OCA2: variants seen among roughly 807,000 people sequenced by gnomAD.
The protein encoded by OCA2 is OCA2 melanosomal transmembrane protein, also known as P protein.
In OCA2, 77 loss-of-function variants were observed where a neutral mutation model predicts 100.2. The observed-to-expected ratio is 0.77, with a 90% CI of 0.64 to 0.93. The LOEUF (loss-of-function observed/expected upper bound fraction) is 0.93. Among genes scored for constraint, OCA2 ranks in the 40% least tolerant of loss-of-function variants. The pLI is 0.00. For synonymous variants in OCA2, 432 were observed against 439.2 expected (o/e 0.98, Z 0.21); for missense variants, 1,062 against 1,089.1 (o/e 0.98, Z 0.35).
At chr15:27,797,872 T>A (rs772653332) in intron 23 of OCA2, among the ~76,000 whole-genome samples, 9 of 152,140 alleles carry the variant, frequency 5.9e-5, no homozygotes, top group Non-Finnish European at 1.3e-4. Context: ...GCTCCCATGT[T>A]GGCCACGCTA....
At chr15:27,990,000 G>A (rs970569627) in intron 10 of OCA2, among the ~76,000 whole-genome samples, 1 of 152,180 alleles carries the variant, frequency 6.6e-6, no homozygotes, top group African/African-American at 2.4e-5. Context: ...CAGATGACAG[G>A]AACTGGCATG....
chr15:27,863,702 A>C (rs1398811798), intron 21 of OCA2, among the ~76,000 whole-genome samples: 1 of 151,036 alleles, frequency 6.6e-6, no homozygotes, highest in Non-Finnish European at 1.5e-5. Context: ...CTTTTTCACG[A>C]CTCTGTTTCT....
intron 23 of OCA2, among the ~76,000 whole-genome samples, chr15:27,788,504 G>T (rs1010255769): frequency 6.6e-6 from 1 of 151,988 alleles, no homozygotes; most frequent in African/African-American, 2.4e-5. Flanking sequence ...TCTGACATTT[G>T]TATAGCCATT....
At chr15:27,783,298 ATG>A (rs2032639732) in intron 23 of OCA2, among the ~76,000 whole-genome samples, 1 of 152,160 alleles carries the variant, frequency 6.6e-6, no homozygotes, top group South Asian at 2.1e-4. Flanking sequence ...AGTTTTTAGA[ATG>A]TGTTTCTCCA....
intron 9 of OCA2, among the ~76,000 whole-genome samples, chr15:28,004,533 C>T (rs17567117): frequency 0.041 from 6,168 of 151,208 alleles, 216 homozygotes; most frequent in South Asian, 0.13. Context: ...CACGGTCTCA[C>T]ACTCACCCTC....
At chr15:27,821,243 T>C (rs951600693) in intron 23 of OCA2, among the ~76,000 whole-genome samples, 1 of 152,194 alleles carries the variant, frequency 6.6e-6, no homozygotes, top group African/African-American at 2.4e-5. Context: ...TTACCCACAG[T>C]GAGTAAGACT....
chr15:27,849,738 G>T, intron 22 of OCA2, among the ~76,000 whole-genome samples: 1 of 152,152 alleles, frequency 6.6e-6, no homozygotes, highest in East Asian at 1.9e-4. Context: ...ATGGACGGTG[G>T]TGACGGCTGC....
intron 14 of OCA2, among the ~76,000 whole-genome samples, chr15:27,973,321 AGATTT>A (rs2040866177): frequency 6.6e-6 from 1 of 152,140 alleles, no homozygotes; most frequent in Non-Finnish European, 1.5e-5. Context: ...TTCAAGTCTT[AGATTT>A]AAGTCTTTAA....
chr15:27,877,195 T>C (rs1039017907), intron 19 of OCA2, among the ~76,000 whole-genome samples: 3 of 152,006 alleles, frequency 2.0e-5, no homozygotes, highest in South Asian at 2.1e-4. Context: ...TAGACTGCTA[T>C]TGATTTCTAA....
At chr15:27,969,493 C>G (rs893311593) in intron 14 of OCA2, among the ~76,000 whole-genome samples, 2 of 152,208 alleles carry the variant, frequency 1.3e-5, no homozygotes, top group Non-Finnish European at 2.9e-5. Flanking sequence ...CCTAGACTCT[C>G]GTCTGTGTTC....
intron 2 of OCA2, among the ~76,000 whole-genome samples, chr15:28,079,875 G>A (rs951663493): frequency 1.3e-5 from 2 of 151,352 alleles, no homozygotes; most frequent in African/African-American, 4.9e-5. Flanking sequence ...ACCTCCCCAC[G>A]CTCTCCTTCC....
chr15:28,057,728 C>A (rs1033724417), intron 2 of OCA2, among the ~76,000 whole-genome samples: 1 of 152,248 alleles, frequency 6.6e-6, no homozygotes, highest in Admixed American at 6.5e-5. Context: ...AGCAAAGCCT[C>A]CTGGGCACAA....
chr15:27,728,556 C>G, the OCA2 span, among the ~76,000 whole-genome samples: 13,926 of 152,226 alleles, frequency 0.091, 727 homozygotes, highest in South Asian at 0.18. Context: ...TCTCAGGAAC[C>G]TCGTGGATCA....
At chr15:27,977,640 G>T (rs1260720681) in intron 14 of OCA2, among the ~76,000 whole-genome samples, 1 of 152,190 alleles carries the variant, frequency 6.6e-6, no homozygotes, top group African/African-American at 2.4e-5. Flanking sequence ...GCTCGGGACT[G>T]AATTGTGTTT....
intron 14 of OCA2, 110 bp downstream of exon 14, chr15:27,983,235 G>A (rs1049822069): frequency 7.6e-7 from 1 of 1,317,870 alleles, no homozygotes. Context: ...TTACTGTGAA[G>A]AGGTGGCGTG....
the OCA2 span, among the ~76,000 whole-genome samples, chr15:27,720,219 C>T: frequency 6.6e-6 from 1 of 151,874 alleles, no homozygotes; most frequent in African/African-American, 2.4e-5. Flanking sequence ...AAAATCCAAA[C>T]GTCCATTAAG....
intron 22 of OCA2, among the ~76,000 whole-genome samples, chr15:27,847,828 G>T (rs74005262): frequency 0.099 from 15,039 of 152,212 alleles, 1,711 homozygotes; most frequent in African/African-American, 0.27. Flanking sequence ...AAAACCAGCC[G>T]GTGTTAGCCG....
At chr15:28,095,557 A>G (rs1211223303) in intron 1 of OCA2, among the ~76,000 whole-genome samples, 2 of 151,926 alleles carry the variant, frequency 1.3e-5, no homozygotes, top group Non-Finnish European at 2.9e-5. Flanking sequence ...TCTCTACTAA[A>G]AATACAAAAA....
At chr15:27,829,271 AAGATAGATGAT>A (rs1179500263) in intron 23 of OCA2, among the ~76,000 whole-genome samples, 8 of 101,100 alleles carry the variant, frequency 7.9e-5, no homozygotes. Flanking sequence ...CAAGAGATAG[AAGATAGATGAT>A]AGATAGATAG....
Sources: allele counts gnomAD v4.1 joint callset (sites outside exome capture counted in the v4.1 genomes callset), GRCh38; gene constraint gnomAD v4.1.1; transcripts MANE v1.5; gene names NCBI Gene and HGNC (gene_info 2026-07-23, HGNC 2026-07-21).